EFHC2: variants seen among roughly 807,000 people sequenced by gnomAD.
EFHC2 encodes the protein EF-hand domain containing 2.
Under a neutral mutation model 52.7 loss-of-function variants are expected in EFHC2, and 18 were observed. The observed-to-expected ratio is 0.34, with a 90% confidence interval of 0.24 to 0.51. The LOEUF is 0.51. Ranked by LOEUF, EFHC2 falls within the 20% of genes least tolerant of loss-of-function variation. The pLI is 0.97. For missense variants in EFHC2, 513 were observed against 562.5 expected (o/e 0.91, Z 0.89); for synonymous variants, 203 against 204.1 (o/e 0.99, Z 0.04).
chrX:44,157,521 A>G (rs1268751564), intron 14 of EFHC2, among the ~76,000 whole-genome samples: 1 of 111,129 alleles, frequency 9.0e-6, no homozygotes, highest in African/African-American at 3.3e-5. Context: ...AAGCAGCATC[A>G]GGAGATCAGA....
intron 13 of EFHC2, among the ~76,000 whole-genome samples, chrX:44,168,248 G>A (rs1356026579): frequency 3.6e-5 from 4 of 111,989 alleles, no homozygotes; most frequent in South Asian, 3.7e-4. Flanking sequence ...TTTAGAAAGC[G>A]GTGTCCGGGC....
intron 2 of EFHC2, among the ~76,000 whole-genome samples, chrX:44,286,406 C>A (rs1232069160): frequency 1.8e-5 from 2 of 112,162 alleles, no homozygotes; most frequent in East Asian, 5.6e-4. Context: ...TCCTCAAAAC[C>A]TTTTCGTAAG....
intron 7 of EFHC2, among the ~76,000 whole-genome samples, chrX:44,245,639 T>C (rs748716236): frequency 4.5e-5 from 5 of 112,246 alleles, no homozygotes; most frequent in Non-Finnish European, 9.4e-5. Flanking sequence ...AGAAGAAATC[T>C]ATGGAATCAC....
intron 11 of EFHC2, among the ~76,000 whole-genome samples, chrX:44,220,855 C>A (rs1048962481): frequency 9.0e-6 from 1 of 111,728 alleles, no homozygotes; most frequent in Non-Finnish European, 1.9e-5. Context: ...AAAATTTCTA[C>A]AAGTGCAACT....
intron 1 of EFHC2, among the ~76,000 whole-genome samples, chrX:44,340,948 AC>A (rs1006356399): frequency 6.2e-5 from 7 of 112,069 alleles, no homozygotes; most frequent in African/African-American, 2.3e-4. Flanking sequence ...CTACCAAAAA[AC>A]ATGAACAAAA....
intron 1 of EFHC2, among the ~76,000 whole-genome samples, chrX:44,319,553 G>A (rs1271523712): frequency 8.9e-6 from 1 of 111,866 alleles, no homozygotes; most frequent in Non-Finnish European, 1.9e-5. Flanking sequence ...TCTCAATTTG[G>A]TAGTACTGAC....
chrX:44,322,822 G>C lies in EFHC2; in HGVS notation c.43-10066C>G, dbSNP rs1327591059. On this transcript the variant is annotated intron_variant, in intron 1 of 14. Transcript: ENST00000420999. ...AAGTATAGGAGTTCAAGACCAGCCTGGCCAACATGGTGAAACCCCGTCTCT... is the reference window on the plus strand; with the variant it reads ...AAGTATAGGAGTTCAAGACCAGCCTCGCCAACATGGTGAAACCCCGTCTCT... 4.5e-5 allele frequency among the ~76,000 whole-genome samples: 5 copies of C among 111,190 alleles called. No individual in the cohort carries two copies. The Admixed American group carries it at 4.8e-4, about 11-fold the overall frequency.
chrX:44,320,955 A>G (rs936884156), intron 1 of EFHC2, among the ~76,000 whole-genome samples: 2 of 111,549 alleles, frequency 1.8e-5, no homozygotes, highest in Non-Finnish European at 3.8e-5. Flanking sequence ...TTAGAGGTTT[A>G]AGGAACACTG....
intron 1 of EFHC2, among the ~76,000 whole-genome samples, chrX:44,332,786 C>T (rs910614294): frequency 2.7e-5 from 3 of 111,233 alleles, no homozygotes; most frequent in African/African-American, 9.8e-5. Flanking sequence ...GTGCAAGAGG[C>T]CACAGAGAGG....
At chrX:44,257,506 C>T (rs893777652) in intron 4 of EFHC2, among the ~76,000 whole-genome samples, 4 of 111,504 alleles carry the variant, frequency 3.6e-5, no homozygotes, top group Admixed American at 9.6e-5. Flanking sequence ...AATAGACAGA[C>T]AGCCAAATCA....
At chrX:44,217,559 T>C (rs911610566) in intron 11 of EFHC2, among the ~76,000 whole-genome samples, 1 of 111,109 alleles carries the variant, frequency 9.0e-6, no homozygotes, top group Non-Finnish European at 1.9e-5. Flanking sequence ...AGAATGAAAT[T>C]TGCTCATTAT....
At chrX:44,294,285 T>TGC (rs1347649628) in intron 2 of EFHC2, among the ~76,000 whole-genome samples, 1 of 104,405 alleles carries the variant, frequency 9.6e-6, no homozygotes, top group Admixed American at 1.0e-4. Context: ...TGTGTGTGTG[T>TGC]GTGTGTGTGT....
chrX:44,326,981 G>A (rs1422249445), intron 1 of EFHC2, among the ~76,000 whole-genome samples: 4 of 109,872 alleles, frequency 3.6e-5, no homozygotes, highest in African/African-American at 6.6e-5. Context: ...TGCCCACCTC[G>A]GCCTCCCAAA....
intron 13 of EFHC2, among the ~76,000 whole-genome samples, chrX:44,176,046 T>C (rs1490847769): frequency 3.6e-5 from 4 of 112,553 alleles, no homozygotes; most frequent in Non-Finnish European, 5.6e-5. Context: ...CCCAGGAATC[T>C]GTGGATCTAT....
chrX:44,297,739 A>C (rs2037836740), intron 2 of EFHC2, among the ~76,000 whole-genome samples: 2 of 106,397 alleles, frequency 1.9e-5, no homozygotes, highest in Non-Finnish European at 1.9e-5. Flanking sequence ...AAAAAAAAAA[A>C]AAAAAAACCG....
intron 2 of EFHC2, among the ~76,000 whole-genome samples, chrX:44,289,317 T>G (rs182565056): frequency 5.4e-5 from 6 of 111,838 alleles, no homozygotes; most frequent in African/African-American, 1.9e-4. Flanking sequence ...TGACTAGCAA[T>G]TAAGCAACTT....
In EFHC2 at chrX:44,282,848, G is replaced by A. The variant is rs183906134; in HGVS notation, c.232-10012C>T. Among the ~76,000 whole-genome samples, 366 of 110,306 alleles carry A rather than the reference G, an allele frequency of 3.3e-3. 3 individuals are homozygous for A. The highest frequency in any genetic ancestry group is 0.028 in the Middle Eastern group (6 of 214). ...AAAAAGCATGTAATGGCTGCAGCTC[G>A]GGTAGACACGTGGCTGGGCAGTGAG... is the stretch of plus-strand genomic sequence containing the variant. On this transcript the variant is annotated intron_variant, in intron 2 of 14. Transcript: ENST00000420999.
At chrX:44,268,836 C>A (rs1657284503) in intron 3 of EFHC2, among the ~76,000 whole-genome samples, 1 of 111,491 alleles carries the variant, frequency 9.0e-6, no homozygotes, top group Non-Finnish European at 1.9e-5. Context: ...CCTCTTGTCC[C>A]TTTGTAAAAT....
chrX:44,239,315 T>G (rs1057239607), intron 8 of EFHC2, among the ~76,000 whole-genome samples: 1 of 112,167 alleles, frequency 8.9e-6, no homozygotes, highest in African/African-American at 3.2e-5. Flanking sequence ...AAGAACTGGA[T>G]GAGTGAACAT....
Sources: allele counts gnomAD v4.1 joint callset (sites outside exome capture counted in the v4.1 genomes callset), GRCh38; gene constraint gnomAD v4.1.1; transcripts MANE v1.5; gene names NCBI Gene and HGNC (gene_info 2026-07-23, HGNC 2026-07-21).